RNF216: variants seen among roughly 807,000 people sequenced by gnomAD.
The protein encoded by RNF216 is ring finger protein 216.
A neutral mutation model predicts 110.8 loss-of-function variants in RNF216; 72 were observed. The ratio of observed to expected loss-of-function variants is 0.65; its 90% CI spans 0.54 to 0.79. The LOEUF (loss-of-function observed/expected upper bound fraction) is 0.79. RNF216 is among the 30% of genes least tolerant of loss of function. The probability of loss-of-function intolerance (pLI) is 0.00; values close to 1 mark genes in which losing one functional copy is unlikely to be tolerated. For missense variants in RNF216, 1,342 were observed against 1,141.2 expected (o/e 1.18, Z -2.54); for synonymous variants, 495 against 407.5 (o/e 1.21, Z -2.59).
chr7:5,641,073 A>T, intron 15 of RNF216, 81 bp downstream of exon 15: 1 of 1,122,052 alleles, frequency 8.9e-7, no homozygotes, highest in Non-Finnish European at 1.3e-6. Flanking sequence ...AAATTTTGTT[A>T]CGTATATTCA....
chr7:5,724,671 C>T (rs1278941997), intron 8 of RNF216, among the ~76,000 whole-genome samples: 3 of 152,136 alleles, frequency 2.0e-5, no homozygotes, highest in African/African-American at 7.2e-5. Flanking sequence ...TTATAGTTAC[C>T]TGAGTTTCCA....
At chr7:5,660,900 T>G (rs1789075705) in intron 13 of RNF216, among the ~76,000 whole-genome samples, 1 of 147,670 alleles carries the variant, frequency 6.8e-6, no homozygotes, top group Non-Finnish European at 1.5e-5. Flanking sequence ...GGTCTAAAAC[T>G]CCTGCTTTTC....
chr7:5,761,852 T>C (rs532414781), intron 1 of RNF216, among the ~76,000 whole-genome samples: 1 of 151,720 alleles, frequency 6.6e-6, no homozygotes, highest in Non-Finnish European at 1.5e-5. Context: ...ATGTAAGACA[T>C]GGGAAATCAT....
intron 1 of RNF216, among the ~76,000 whole-genome samples, chr7:5,776,399 C>A (rs903673883): frequency 1.1e-4 from 16 of 149,486 alleles, no homozygotes; most frequent in Admixed American, 9.3e-4. Context: ...CTGGCTAACA[C>A]GGTGAAACCC....
At chr7:5,755,184 A>AGAAG (rs201146568) in intron 2 of RNF216, among the ~76,000 whole-genome samples, 6 of 143,850 alleles carry the variant, frequency 4.2e-5, no homozygotes, top group African/African-American at 7.7e-5. Flanking sequence ...GAGGAAAGGA[A>AGAAG]GAAGGAAGGA....
Position 5,741,537 on chromosome 7 carries a change from C to A in RNF216, c.480G>T (p.Pro160=), listed in dbSNP as rs944949390. Residue 160 remains proline, a synonymous_variant, in exon 4 of 17, where the codon CCG becomes CCT. Transcript: ENST00000389902. ...TGTCATTTGCTGCTTGGTTATGACT[C>A]GGTCCAGGCTTGGGTTCTCTTTCTG... ...GQTEREPKPG[P]SHNQAANDIV... 1.9e-6 allele frequency: 3 copies of A among 1,614,148 alleles called. No individual in the cohort carries two copies. The highest frequency in any genetic ancestry group is 2.5e-6 in the Non-Finnish European group (3 of 1,180,036).
chr7:5,699,895 G>A (rs1257928046), intron 13 of RNF216, among the ~76,000 whole-genome samples: 1 of 152,206 alleles, frequency 6.6e-6, no homozygotes, highest in African/African-American at 2.4e-5. Flanking sequence ...CTCAAAGTCA[G>A]GGAAGACACT....
At chr7:5,630,771 CCT>C (rs750782063) in intron 15 of RNF216, among the ~76,000 whole-genome samples, 6 of 152,232 alleles carry the variant, frequency 3.9e-5, no homozygotes, top group Non-Finnish European at 7.4e-5. Context: ...TGCACCAGCC[CCT>C]GTCTACACAC....
intron 13 of RNF216, among the ~76,000 whole-genome samples, chr7:5,701,212 ATC>A (rs1217927441): frequency 5.3e-5 from 8 of 152,214 alleles, no homozygotes; most frequent in Admixed American, 2.6e-4. Context: ...TATAGAATGT[ATC>A]AGTTAGCAAA....
At chr7:5,707,979 G>A (rs1562413367) in intron 13 of RNF216, among the ~76,000 whole-genome samples, 1 of 152,124 alleles carries the variant, frequency 6.6e-6, no homozygotes, top group Non-Finnish European at 1.5e-5. Context: ...CACTTGCCTC[G>A]GCCTCCCACA....
At chr7:5,657,948 G>T (rs852517) in intron 13 of RNF216, among the ~76,000 whole-genome samples, 109,630 of 152,158 alleles carry the variant, frequency 0.72, 40,263 homozygotes, top group African/African-American at 0.86. Context: ...AACAGCCGAA[G>T]AAGGCTTGGT....
chr7:5,775,458 T>A (rs757014447), intron 1 of RNF216, among the ~76,000 whole-genome samples: 1 of 152,174 alleles, frequency 6.6e-6, no homozygotes, highest in East Asian at 1.9e-4. Context: ...GGCTCTGTAG[T>A]GCCCCTGGCT....
chr7:5,716,526 T>A (rs570714114), intron 10 of RNF216, among the ~76,000 whole-genome samples, 190 bp downstream of exon 10: 2 of 152,006 alleles, frequency 1.3e-5, no homozygotes, highest in African/African-American at 4.8e-5. Flanking sequence ...TTCCCTTCAA[T>A]TCTGATTCAG....
At chr7:5,735,998 C>A (rs1311321078) in intron 5 of RNF216, among the ~76,000 whole-genome samples, 2 of 152,168 alleles carry the variant, frequency 1.3e-5, no homozygotes, top group Non-Finnish European at 2.9e-5. Context: ...GAGGCTGAGG[C>A]AGGAGAATCA....
At chr7:5,635,185 A>G (rs1048111023) in intron 15 of RNF216, among the ~76,000 whole-genome samples, 8 of 152,178 alleles carry the variant, frequency 5.3e-5, no homozygotes, top group African/African-American at 1.9e-4. Context: ...CACACTGCAT[A>G]GCACGCTCAC....
At chr7:5,641,061 T>C in intron 15 of RNF216, 93 bp downstream of exon 15, 1 of 1,035,686 alleles carries the variant, frequency 9.7e-7, no homozygotes. Flanking sequence ...TTCTCCTAAG[T>C]CAAATTTTGT....
chr7:5,729,008 G>T (rs1793927159), intron 7 of RNF216, among the ~76,000 whole-genome samples: 1 of 152,140 alleles, frequency 6.6e-6, no homozygotes, highest in Admixed American at 6.5e-5. Context: ...GCTGTCAGTA[G>T]CTGCCCACTC....
At chr7:5,693,152 G>A (rs1020267067) in intron 13 of RNF216, among the ~76,000 whole-genome samples, 2 of 152,190 alleles carry the variant, frequency 1.3e-5, no homozygotes, top group Non-Finnish European at 2.9e-5. Context: ...GGCCAATCTG[G>A]CCCTCTGCCA....
intron 13 of RNF216, among the ~76,000 whole-genome samples, chr7:5,670,383 T>C (rs1789825407): frequency 6.6e-6 from 1 of 152,152 alleles, no homozygotes; most frequent in South Asian, 2.1e-4. Context: ...GCTCCTCTGA[T>C]GTGCATAGAG....
Sources: allele counts gnomAD v4.1 joint callset (sites outside exome capture counted in the v4.1 genomes callset), GRCh38; gene constraint gnomAD v4.1.1; transcripts MANE v1.5; gene names NCBI Gene and HGNC (gene_info 2026-07-23, HGNC 2026-07-21).